The following DEPDC4 variants were observed in gnomAD, a reference collection of about 807,000 sequenced individuals.
DEPDC4 encodes DEP domain-containing protein 4.
A neutral mutation model predicts 52.0 loss-of-function variants in DEPDC4; 52 were observed. That is an observed-to-expected ratio of 1.00 (90% CI 0.80 to 1.26). The LOEUF (loss-of-function observed/expected upper bound fraction) is 1.26. DEPDC4 is among the 50% of genes most tolerant of loss of function. The pLI is 0.00. For synonymous variants in DEPDC4, 201 were observed against 196.8 expected (o/e 1.02, Z -0.18); for missense variants, 530 against 546.9 (o/e 0.97, Z 0.31).
At chr12:100,250,372 T>A (rs2096202704) in intron 7 of DEPDC4, among the ~76,000 whole-genome samples, 1 of 152,140 alleles carries the variant, frequency 6.6e-6, no homozygotes, top group Non-Finnish European at 1.5e-5. Flanking sequence ...TCCACCACCA[T>A]GCCTGGCTAA....
chr12:100,258,035 T>C (rs1317264636), intron 3 of DEPDC4, among the ~76,000 whole-genome samples: 1 of 152,018 alleles, frequency 6.6e-6, no homozygotes, highest in African/African-American at 2.4e-5. Context: ...GGTCTTGCTC[T>C]GTCATCCAGG....
intron 1 of DEPDC4, 60 bp downstream of exon 1, chr12:100,266,860 G>A: frequency 6.4e-7 from 1 of 1,563,390 alleles, no homozygotes; most frequent in Non-Finnish European, 8.7e-7. Flanking sequence ...CCAGCCGCCT[G>A]CTCCCTTCAG....
In DEPDC4 at chr12:100,266,968, G is replaced by A; in HGVS notation, c.109C>T (p.Pro37Ser). The stretch of plus-strand genomic sequence containing the variant: ...CCATCTCTACGGTTCCTGGAACTTG[G>A]CCCGTTCAGCCCTGGGCCCGGAAGC... ...NELPGPGLNGPSSRNRRDGFC... is the reference protein window; with the variant it reads ...NELPGPGLNGSSSRNRRDGFC... Residue 37 changes from proline to serine, a missense_variant, in exon 1 of 10, where the codon CCA (proline) becomes TCA (serine). Physicochemically the swap from Pro to Ser is moderately conservative, Grantham distance 74. Transcript: ENST00000550587. 2 of 1,613,816 alleles carry A rather than the reference G, an allele frequency of 1.2e-6. No homozygotes were observed. The highest frequency in any genetic ancestry group is 2.2e-5 in the East Asian group (1 of 44,864).
the DEPDC4 span, among the ~76,000 whole-genome samples, chr12:100,273,906 A>G: frequency 4.6e-5 from 7 of 152,204 alleles, no homozygotes; most frequent in African/African-American, 7.2e-5. Context: ...GGCATTTAAT[A>G]TATAGCTTGT....
Position 100,263,902 on chromosome 12 carries a change from A to G in DEPDC4, c.158-9T>C. 2 of 1,581,300 alleles carry G rather than the reference A, an allele frequency of 1.3e-6. No homozygotes were observed. The highest frequency in any genetic ancestry group is 1.7e-6 in the Non-Finnish European group (2 of 1,164,948). On this transcript the variant is annotated splice_polypyrimidine_tract_variant and intron_variant, in intron 1 of 9. Coordinates refer to ENST00000550587, the MANE Select transcript of DEPDC4 (RefSeq NM_001364818.2). The stretch of plus-strand genomic sequence containing the variant: ...AAAAGGACCAGAGCATCCTGAAAAA[A>G]ATTAAATATGCATTTCTAACAAATC...
In DEPDC4 at chr12:100,234,666, GT is replaced by G. The variant is rs138885419; in HGVS notation, c.*699+3301del. On this transcript the variant is annotated intron_variant and NMD_transcript_variant, in intron 9 of 10. Coordinates refer to the DEPDC4 transcript ENST00000378244. ...TCGTAGAGACCGAATAATCTAAGAA[GT>G]TTAAACAGTCTCAAGTGTTATGAAT... 5.3e-3 allele frequency among the ~76,000 whole-genome samples: 811 copies of G among 152,266 alleles called. 8 individuals carry two copies. Among genetic ancestry groups the G allele is most frequent in the African/African-American group, 0.019 (773 of 41,556 alleles).
intron 3 of DEPDC4, among the ~76,000 whole-genome samples, chr12:100,260,795 C>G (rs1429609426): frequency 1.3e-5 from 2 of 152,118 alleles, no homozygotes; most frequent in East Asian, 3.9e-4. Context: ...ACTCTGGAGG[C>G]TGAGGCACAA....
Position 100,263,509 on chromosome 12 carries a change from T to C in DEPDC4, c.542A>G (p.Asn181Ser), listed in dbSNP as rs1385880121. 13 of 1,586,396 alleles carry C rather than the reference T, an allele frequency of 8.2e-6. No homozygotes were observed. Among genetic ancestry groups the C allele is most frequent in the Middle Eastern group, 1.7e-4 (1 of 5,890 alleles). ...KRQKDAENEF[N>S]ETLRPGYEMI... ...AGGTAACACTAACCTCAAGGTTTCA[T>C]TGAACTCATTCTCAGCATCCTTTTG... The change falls in exon 2 of 10, where the codon AAT (asparagine) becomes AGT (serine). Residue 181 changes from asparagine (N) to serine (S), a missense_variant. Asn to Ser is a conservative substitution (Grantham distance 46). Coordinates refer to ENST00000550587, the MANE Select transcript of DEPDC4 (RefSeq NM_001364818.2).
At chr12:100,281,028 T>G in the DEPDC4 span, among the ~76,000 whole-genome samples, 3 of 126,980 alleles carry the variant, frequency 2.4e-5, no homozygotes, top group African/African-American at 3.3e-5. Flanking sequence ...TGTTTTTTTT[T>G]TTTTTTTTTT....
chr12:100,259,081 A>AAAATATAT lies in DEPDC4; in HGVS notation c.701-2856_701-2855insATATATTT, dbSNP rs543577636. ...GCAAAAATCTGTCTCAAAAAAAAAA[A>AAAATATAT]ATATATATATATATCCCATGTACCC... On this transcript the variant is annotated intron_variant, in intron 3 of 9. Coordinates refer to ENST00000550587, the MANE Select transcript of DEPDC4 (RefSeq NM_001364818.2). Among the ~76,000 whole-genome samples, 215 of 149,166 alleles carry AAAATATAT rather than the reference A, an allele frequency of 1.4e-3. 1 individual carries two copies. The highest frequency in any genetic ancestry group is 5.1e-3 in the African/African-American group (203 of 39,898).
downstream of DEPDC4, among the ~76,000 whole-genome samples, chr12:100,235,409 G>C (rs2096139864): frequency 1.3e-5 from 2 of 149,842 alleles, no homozygotes; most frequent in South Asian, 4.2e-4. Flanking sequence ...GGTTTTTGGG[G>C]AACAGGTGGT....
At position 100,252,430 on chromosome 12, in the gene DEPDC4, C is replaced by A; in HGVS notation, c.1212G>T (p.Met404Ile). The change falls in exon 6 of 10, where the codon ATG (methionine) becomes ATT (isoleucine). Residue 404 changes from methionine (M) to isoleucine (I), a missense_variant. By Grantham distance (10) the Met-to-Ile change is conservative. Coordinates refer to ENST00000550587, the MANE Select transcript of DEPDC4 (RefSeq NM_001364818.2). ...ACTTGTAGGCATTGGGCTCTGATGC[C>A]ATTGCCATAAAAGTAAGTAGCCGTC... is the stretch of plus-strand genomic sequence containing the variant. ...ELRRLLTFMAMASEPNAYKLQ... is the reference protein window; with the variant it reads ...ELRRLLTFMAIASEPNAYKLQ... The A allele has an allele frequency of 6.3e-7, 1 of 1,596,738 alleles. No homozygotes were observed. Among genetic ancestry groups the A allele is most frequent in the South Asian group, 1.1e-5 (1 of 90,246 alleles).
chr12:100,276,911 G>A, the DEPDC4 span, among the ~76,000 whole-genome samples: 1 of 151,816 alleles, frequency 6.6e-6, no homozygotes, highest in Non-Finnish European at 1.5e-5. Context: ...TGTAAGTACT[G>A]CTTTAGATAT....
intron 7 of DEPDC4, among the ~76,000 whole-genome samples, chr12:100,250,536 C>T (rs2096203408): frequency 6.6e-6 from 1 of 152,042 alleles, no homozygotes. Context: ...AGTATGTTTC[C>T]TTATGACACT....
At chr12:100,265,630 C>A (rs896987313) in intron 1 of DEPDC4, among the ~76,000 whole-genome samples, 8 of 151,996 alleles carry the variant, frequency 5.3e-5, no homozygotes, top group Admixed American at 3.9e-4. Flanking sequence ...TTATGGTATA[C>A]CCTTACTATA....
chr12:100,278,571 T>G, the DEPDC4 span, among the ~76,000 whole-genome samples: 1 of 152,112 alleles, frequency 6.6e-6, no homozygotes, highest in African/African-American at 2.4e-5. Context: ...TTTAGCAGTT[T>G]AAAGACCTCA....
downstream of DEPDC4, among the ~76,000 whole-genome samples, chr12:100,236,673 C>T (rs572546422): frequency 1.3e-5 from 2 of 152,208 alleles, no homozygotes; most frequent in South Asian, 2.1e-4. Flanking sequence ...TGTGCAAAAG[C>T]GCTTTTGTTT....
At chr12:100,252,064 A>C (rs191835163) in intron 7 of DEPDC4, 112 bp downstream of exon 7, 2 of 972,344 alleles carry the variant, frequency 2.1e-6, no homozygotes, top group Admixed American at 1.1e-4. Flanking sequence ...ATTTCTTCAA[A>C]CTTTGCACAT....
chr12:100,271,260 C>CAAAAGAAAAAAAAAAA (rs2096287338), upstream of DEPDC4, among the ~76,000 whole-genome samples: 1 of 83,338 alleles, frequency 1.2e-5, no homozygotes, highest in African/African-American at 5.3e-5. Context: ...TGCAGAGCAG[C>CAAAAGAAAAAAAAAAA]AAAAAAAAAA....
Sources: allele counts gnomAD v4.1 joint callset (sites outside exome capture counted in the v4.1 genomes callset), GRCh38; gene constraint gnomAD v4.1.1; transcripts MANE v1.5; gene names NCBI Gene and HGNC (gene_info 2026-07-23, HGNC 2026-07-21).